Variants in CACNA2D3 observed in about 807,000 individuals in gnomAD.
CACNA2D3 encodes the protein voltage-dependent calcium channel subunit alpha-2/delta-3.
A neutral mutation model predicts 160.6 loss-of-function variants in CACNA2D3; 60 were observed. The ratio of observed to expected loss-of-function variants is 0.37; its 90% confidence interval spans 0.30 to 0.46. The LOEUF is 0.46. CACNA2D3 is among the 20% of genes least tolerant of loss of function. The probability of loss-of-function intolerance (pLI) is 1.00; values close to 1 mark genes in which losing one functional copy is unlikely to be tolerated. For missense variants in CACNA2D3, 1,205 were observed against 1,365.0 expected (o/e 0.88, Z 1.85); for synonymous variants, 558 against 492.9 (o/e 1.13, Z -1.75).
At chr3:55,015,307 T>C (rs1703305208) in intron 34 of CACNA2D3, among the ~76,000 whole-genome samples, 2 of 152,218 alleles carry the variant, frequency 1.3e-5, no homozygotes, top group Non-Finnish European at 2.9e-5. Context: ...GTGGATGAAT[T>C]TGGGCAATTT....
Position 54,122,772 on chromosome 3 carries a change from C to T in CACNA2D3, c.59C>T (p.Ala20Val). 1 of 1,228,040 alleles carries T rather than the reference C, an allele frequency of 8.1e-7. No homozygotes were observed. The allele number at this position is 1,228,040 out of a possible 1,614,324, so 76.1% of individuals were successfully genotyped here. ...ASRGASALLA[A>V]ALLYAALGDV... ...CGGGGGGCCTCGGCGCTTCTCGCTG[C>T]CGCGCTTCTCTACGCCGCGCTGGGG... The change falls in exon 1 of 38, where the codon GCC becomes GTC. Residue 20 changes from alanine (A) to valine (V), a missense_variant. By Grantham distance (64) the Ala-to-Val change is moderately conservative. Transcript: ENST00000474759.
chr3:54,421,098 A>C (rs2106750521), intron 4 of CACNA2D3, among the ~76,000 whole-genome samples: 1 of 152,252 alleles, frequency 6.6e-6, no homozygotes, highest in South Asian at 2.1e-4. Flanking sequence ...CTTTCCTGGA[A>C]GTTTTGCTCT....
At chr3:54,218,832 A>C (rs911111852) in intron 2 of CACNA2D3, among the ~76,000 whole-genome samples, 1 of 152,132 alleles carries the variant, frequency 6.6e-6, no homozygotes, top group Non-Finnish European at 1.5e-5. Context: ...GGTCTCTTCC[A>C]GCGGTGGCAT....
chr3:54,852,884 C>A (rs1340024876), intron 17 of CACNA2D3, among the ~76,000 whole-genome samples: 3 of 152,142 alleles, frequency 2.0e-5, no homozygotes, highest in East Asian at 3.9e-4. Context: ...ATCCAGCTGA[C>A]TTAGTTCAAG....
In CACNA2D3 at chr3:55,074,316, A is replaced by AACCATCAGCATCTCATCATGATTT; in HGVS notation, c.*111_*134dup. ...AACATACGAGACATGAATATAGTCC[A>AACCATCAGCATCTCATCATGATTT]ACCATCAGCATCTCATCATGATTTT... On this transcript the variant is annotated 3_prime_UTR_variant, in exon 38 of 38. Coordinates refer to ENST00000474759, the MANE Select transcript of CACNA2D3 (RefSeq NM_018398.3). The AACCATCAGCATCTCATCATGATTT allele has an allele frequency of 6.0e-6, 5 of 829,384 alleles. No individual in the cohort carries two copies. The highest frequency in any genetic ancestry group is 8.3e-6 in the Non-Finnish European group (4 of 479,486). The allele number at this position is 829,384 out of a possible 1,614,324, so 51.4% of individuals were successfully genotyped here. A position where few individuals can be genotyped will look rare whatever the true frequency, so the allele number is the denominator to read the frequency against.
At chr3:54,956,434 C>T (rs143605611) in intron 27 of CACNA2D3, among the ~76,000 whole-genome samples, 42 of 152,358 alleles carry the variant, frequency 2.8e-4, no homozygotes, top group East Asian at 2.5e-3. Flanking sequence ...TTTTAACCTT[C>T]CTGTCTTTGT....
chr3:54,800,814 T>G (rs982254574), intron 13 of CACNA2D3, among the ~76,000 whole-genome samples: 1 of 152,148 alleles, frequency 6.6e-6, no homozygotes, highest in Non-Finnish European at 1.5e-5. Context: ...TCCACATTGC[T>G]GCTAACTAAT....
chr3:54,477,325 C>T (rs764154573), intron 4 of CACNA2D3, among the ~76,000 whole-genome samples: 6 of 151,780 alleles, frequency 4.0e-5, no homozygotes, highest in African/African-American at 1.5e-4. Context: ...CTTAGTAAGT[C>T]GCCAAGCAGT....
At chr3:54,847,966 G>T (rs1489454495) in intron 17 of CACNA2D3, among the ~76,000 whole-genome samples, 1 of 152,116 alleles carries the variant, frequency 6.6e-6, no homozygotes, top group Non-Finnish European at 1.5e-5. Flanking sequence ...CCAGTAAATG[G>T]ATTAATTTCC....
intron 27 of CACNA2D3, among the ~76,000 whole-genome samples, chr3:54,944,050 G>C (rs1376709677): frequency 6.6e-6 from 1 of 152,074 alleles, no homozygotes; most frequent in Non-Finnish European, 1.5e-5. Flanking sequence ...TTTGAATTTT[G>C]AAGGCATTGC....
chr3:54,655,009 G>T (rs1047340200), intron 11 of CACNA2D3, among the ~76,000 whole-genome samples: 4 of 152,308 alleles, frequency 2.6e-5, no homozygotes, highest in Admixed American at 1.3e-4. Flanking sequence ...GAGCCCCAGC[G>T]CCAGTCCCAA....
intron 4 of CACNA2D3, among the ~76,000 whole-genome samples, chr3:54,402,265 T>C (rs1194522487): frequency 2.0e-5 from 3 of 151,960 alleles, no homozygotes; most frequent in African/African-American, 7.3e-5. Flanking sequence ...AAAATGGCAG[T>C]AATAATTCTT....
At chr3:54,540,160 G>A (rs1041373719) in intron 5 of CACNA2D3, among the ~76,000 whole-genome samples, 2 of 152,114 alleles carry the variant, frequency 1.3e-5, no homozygotes, top group African/African-American at 2.4e-5. Context: ...CCTTTCACTT[G>A]GCCTGTGAGG....
intron 13 of CACNA2D3, among the ~76,000 whole-genome samples, chr3:54,781,723 A>G (rs558034812): frequency 9.8e-5 from 15 of 152,384 alleles, no homozygotes; most frequent in African/African-American, 3.4e-4. Flanking sequence ...TCTCAGGCCA[A>G]TTCTGCCATC....
At chr3:54,440,590 C>G (rs974748868) in intron 4 of CACNA2D3, among the ~76,000 whole-genome samples, 1 of 152,070 alleles carries the variant, frequency 6.6e-6, no homozygotes, top group Non-Finnish European at 1.5e-5. Context: ...CACCCATTAA[C>G]TCGTCATTTA....
rs543911058 is a variant in CACNA2D3, at chr3:54,446,814, C to A, written c.382-56678C>A. Among the ~76,000 whole-genome samples, 8 of 152,154 alleles carry A rather than the reference C, an allele frequency of 5.3e-5. No individual in the cohort carries two copies. In the South Asian group the frequency reaches 1.5e-3, roughly 28 times the overall value. On this transcript the variant is annotated intron_variant, in intron 4 of 37. Coordinates refer to ENST00000474759, the MANE Select transcript of CACNA2D3 (RefSeq NM_018398.3). ...CCCCAGCATGCCCTTCCCTGGCCTC[C>A]CCTCCCTCCCCACTGAATTCTCTGC... is the stretch of plus-strand genomic sequence containing the variant.
chr3:54,805,374 C>G (rs1703095133), intron 13 of CACNA2D3, among the ~76,000 whole-genome samples: 1 of 152,176 alleles, frequency 6.6e-6, no homozygotes, highest in Non-Finnish European at 1.5e-5. Context: ...GGGGATATCA[C>G]TACCGATCCC....
intron 16 of CACNA2D3, among the ~76,000 whole-genome samples, chr3:54,839,127 A>G (rs1208228748): frequency 6.6e-6 from 1 of 152,130 alleles, no homozygotes; most frequent in Non-Finnish European, 1.5e-5. Flanking sequence ...TCGTGATGGC[A>G]GGCGCCTGTA....
At chr3:54,646,670 G>C (rs985980544) in intron 11 of CACNA2D3, among the ~76,000 whole-genome samples, 2 of 152,110 alleles carry the variant, frequency 1.3e-5, no homozygotes, top group African/African-American at 4.8e-5. Flanking sequence ...TGGGCATTTA[G>C]GTCAATTCCA....
Sources: allele counts gnomAD v4.1 joint callset (sites outside exome capture counted in the v4.1 genomes callset), GRCh38; gene constraint gnomAD v4.1.1; transcripts MANE v1.5; gene names NCBI Gene and HGNC (gene_info 2026-07-23, HGNC 2026-07-21).